KLF12: variants seen among roughly 807,000 people sequenced by gnomAD.
KLF12 encodes the protein Krueppel-like factor 12.
A neutral mutation model predicts 37.8 loss-of-function variants in KLF12; 9 were observed. The observed-to-expected ratio is 0.24, with a 90% CI of 0.14 to 0.42. KLF12 has a LOEUF of 0.42. Among genes scored for constraint, KLF12 ranks in the 10% least tolerant of loss-of-function variants. KLF12 has a pLI of 1.00. For synonymous variants in KLF12, 208 were observed against 202.1 expected (o/e 1.03, Z -0.25); for missense variants, 411 against 516.0 (o/e 0.80, Z 1.97).
intron 3 of KLF12, among the ~76,000 whole-genome samples, chr13:73,939,150 G>A (rs1007116428): frequency 6.6e-6 from 1 of 152,184 alleles, no homozygotes; most frequent in African/African-American, 2.4e-5. Flanking sequence ...CTTGCAGTTA[G>A]TGTAGACACT....
intron 3 of KLF12, among the ~76,000 whole-genome samples, chr13:73,847,685 T>C (rs1359711181): frequency 6.6e-6 from 1 of 152,122 alleles, no homozygotes; most frequent in Admixed American, 6.5e-5. Flanking sequence ...TACTTACCTA[T>C]AAAAACAAAT....
chr13:73,753,020 G>A (rs945408043), intron 6 of KLF12, among the ~76,000 whole-genome samples: 4 of 151,874 alleles, frequency 2.6e-5, no homozygotes, highest in Non-Finnish European at 5.9e-5. Context: ...CCAAAGTGCT[G>A]GGATTACAGG....
At chr13:74,302,586 A>G in the KLF12 span, among the ~76,000 whole-genome samples, 1 of 152,142 alleles carries the variant, frequency 6.6e-6, no homozygotes, top group South Asian at 2.1e-4. Flanking sequence ...CCGTGGTGTT[A>G]TGGCATTTTC....
chr13:73,806,219 T>C (rs1882617217), intron 5 of KLF12, among the ~76,000 whole-genome samples: 1 of 151,646 alleles, frequency 6.6e-6, no homozygotes, highest in Non-Finnish European at 1.5e-5. Context: ...CAATTCTGCC[T>C]CAGCCCCCTG....
chr13:74,299,485 A>AT, the KLF12 span, among the ~76,000 whole-genome samples: 20 of 152,152 alleles, frequency 1.3e-4, no homozygotes. Flanking sequence ...TTTGGGGCAG[A>AT]TTTCATTAAT....
intron 7 of KLF12, among the ~76,000 whole-genome samples, chr13:73,704,507 T>C (rs1235922228): frequency 1.3e-5 from 2 of 152,166 alleles, no homozygotes; most frequent in Non-Finnish European, 2.9e-5. Context: ...CTAAAATCTA[T>C]CCAGCAATCC....
chr13:74,258,974 C>T, the KLF12 span: 2 of 152,234 alleles, frequency 1.3e-5, no homozygotes, highest in African/African-American at 2.4e-5. Flanking sequence ...AGAACATGCC[C>T]CAGAGTTGTC....
At chr13:74,046,791 C>T (rs2138572487) in intron 1 of KLF12, among the ~76,000 whole-genome samples, 1 of 152,246 alleles carries the variant, frequency 6.6e-6, no homozygotes, top group Non-Finnish European at 1.5e-5. Context: ...TTTTTAACCA[C>T]AGATACTTTC....
intron 5 of KLF12, among the ~76,000 whole-genome samples, chr13:73,796,936 G>T (rs1357127968): frequency 2.0e-5 from 3 of 152,068 alleles, no homozygotes; most frequent in Admixed American, 2.0e-4. Context: ...TGAAAAAAAA[G>T]AACACGATTC....
chr13:74,016,296 T>C (rs1892686569), intron 1 of KLF12, among the ~76,000 whole-genome samples: 1 of 151,958 alleles, frequency 6.6e-6, no homozygotes, highest in Non-Finnish European at 1.5e-5. Flanking sequence ...TACACAGCCA[T>C]TAGAATGGCA....
At chr13:73,881,467 C>A (rs374468044) in intron 3 of KLF12, among the ~76,000 whole-genome samples, 1 of 151,776 alleles carries the variant, frequency 6.6e-6, no homozygotes, top group Non-Finnish European at 1.5e-5. Flanking sequence ...ATTAAGAAAA[C>A]CATTCATTTT....
At chr13:74,113,626 G>A (rs868256381) in intron 1 of KLF12, among the ~76,000 whole-genome samples, 21 of 152,278 alleles carry the variant, frequency 1.4e-4, no homozygotes, top group African/African-American at 1.7e-4. Flanking sequence ...ATTACTGCTC[G>A]TTGACAATGC....
At chr13:74,292,858 G>T in the KLF12 span, among the ~76,000 whole-genome samples, 1 of 151,952 alleles carries the variant, frequency 6.6e-6, no homozygotes, top group Non-Finnish European at 1.5e-5. Flanking sequence ...TATCTGTTTT[G>T]CTCTCTTGAG....
At chr13:73,855,032 G>A (rs988336363) in intron 3 of KLF12, among the ~76,000 whole-genome samples, 3 of 152,224 alleles carry the variant, frequency 2.0e-5, no homozygotes, top group Non-Finnish European at 4.4e-5. Flanking sequence ...ATGGGTAAGT[G>A]TCACAAATAG....
intron 3 of KLF12, among the ~76,000 whole-genome samples, chr13:73,872,088 G>C (rs554002117): frequency 1.3e-5 from 2 of 152,294 alleles, no homozygotes; most frequent in South Asian, 2.1e-4. Flanking sequence ...GAGGATGGAA[G>C]ACGGCCACGT....
chr13:74,062,802 G>A (rs568954470), intron 1 of KLF12, among the ~76,000 whole-genome samples: 1 of 152,310 alleles, frequency 6.6e-6, no homozygotes, highest in African/African-American at 2.4e-5. Flanking sequence ...TCTAGCTCTA[G>A]AAACAAAAGA....
At chr13:74,031,598 A>G (rs1893115465) in intron 1 of KLF12, among the ~76,000 whole-genome samples, 1 of 152,182 alleles carries the variant, frequency 6.6e-6, no homozygotes, top group African/African-American at 2.4e-5. Flanking sequence ...GTACCAAACC[A>G]GACTTTTTTT....
intron 2 of KLF12, among the ~76,000 whole-genome samples, chr13:73,975,711 C>T (rs1005342045): frequency 6.6e-6 from 1 of 152,150 alleles, no homozygotes; most frequent in African/African-American, 2.4e-5. Context: ...GAGCACTTTA[C>T]TCTCAAATCC....
rs1363838009 is a variant in KLF12, at chr13:73,793,048, A to G, written c.806+20104T>C. 4.6e-5 allele frequency among the ~76,000 whole-genome samples: 7 copies of G among 152,220 alleles called. No homozygotes were observed. The East Asian group carries it at 5.8e-4, about 13-fold the overall frequency. On this transcript the variant is annotated intron_variant, in intron 5 of 7. Transcript: ENST00000377669. ...TTTATGTGAGTGGACATCTGCAGAC[A>G]TGAATTTGAAAACAACTAGTACAAA...
Sources: allele counts gnomAD v4.1 joint callset (sites outside exome capture counted in the v4.1 genomes callset), GRCh38; gene constraint gnomAD v4.1.1; transcripts MANE v1.5; gene names NCBI Gene and HGNC (gene_info 2026-07-23, HGNC 2026-07-21).